DPF3: variants seen among roughly 807,000 people sequenced by gnomAD.
DPF3 encodes double PHD fingers 3.
A neutral mutation model predicts 56.8 loss-of-function variants in DPF3; 18 were observed. That is an observed-to-expected ratio of 0.32 (90% CI 0.22 to 0.47). DPF3 has a LOEUF of 0.47. Ranked by LOEUF, DPF3 falls within the 20% of genes least tolerant of loss-of-function variation. The pLI is 1.00. For synonymous variants in DPF3, 188 were observed against 180.2 expected (o/e 1.04, Z -0.35); for missense variants, 403 against 488.8 (o/e 0.82, Z 1.65).
chr14:72,742,491 AC>A (rs1404526707), intron 3 of DPF3: 1 of 150,928 alleles, frequency 6.6e-6, no homozygotes, highest in Non-Finnish European at 1.5e-5. Flanking sequence ...GTTCTTGCCC[AC>A]CCCCGCCTGG....
intron 6 of DPF3, 121 bp downstream of exon 6, chr14:72,714,302 A>G (rs1888797239): frequency 2.4e-6 from 3 of 1,252,914 alleles, no homozygotes; most frequent in Non-Finnish European, 3.4e-6. Flanking sequence ...TGGGGTGCAG[A>G]CAGAGGAAGA....
intron 1 of DPF3, among the ~76,000 whole-genome samples, chr14:72,805,183 A>G (rs1882708793): frequency 6.6e-6 from 1 of 152,200 alleles, no homozygotes; most frequent in Admixed American, 6.5e-5. Context: ...CTAAAACTGC[A>G]CAGAAGGCTG....
At chr14:72,725,906 CT>C (rs1023747737) in intron 4 of DPF3, among the ~76,000 whole-genome samples, 1 of 152,174 alleles carries the variant, frequency 6.6e-6, no homozygotes. Flanking sequence ...TCTTCTTTGC[CT>C]TTTCTACTAG....
chr14:72,838,905 A>ATATATATATATATATATATATATATATTT lies in DPF3; in HGVS notation c.32+55151_32+55152insAAATATATATATATATATATATATATATA. Among the ~76,000 whole-genome samples, 16 of 64,496 alleles carry ATATATATATATATATATATATATATATTT rather than the reference A, an allele frequency of 2.5e-4. 2 individuals are homozygous for ATATATATATATATATATATATATATATTT. Among genetic ancestry groups the ATATATATATATATATATATATATATATTT allele is most frequent in the African/African-American group, 6.0e-4 (9 of 15,064 alleles). The allele number at this position is 64,496 out of a possible 152,430, so 42.3% of individuals were successfully genotyped here. A position where few individuals can be genotyped will look rare whatever the true frequency, so the allele number is the denominator to read the frequency against. On this transcript the variant is annotated intron_variant, in intron 1 of 10. Coordinates refer to ENST00000556509, the MANE Select transcript of DPF3 (RefSeq NM_001280542.3). ...ATCTATCATATATATTATCATATATATTCTTTTTTTTTTTTTTTTTTTTTT... is the reference window on the plus strand; with the variant it reads ...ATCTATCATATATATTATCATATATATATATATATATATATATATATATATATTTTTCTTTTTTTTTTTTTTTTTTTTTT...
In DPF3 at chr14:72,662,316, C is replaced by A. The variant is rs967477404; in HGVS notation, c.871+11924G>T. On this transcript the variant is annotated intron_variant, in intron 8 of 10. Transcript: ENST00000556509. The stretch of plus-strand genomic sequence containing the variant: ...TTTTTCTTTAGAGTTAATATGCAGT[C>A]TTTTATTTTACATTAAGTACTCTTA... 3.4e-5 allele frequency: 33 copies of A among 984,872 alleles called. No individual in the cohort carries two copies. In the Admixed American group the frequency reaches 1.8e-3, roughly 53 times the overall value. The allele number at this position is 984,872 out of a possible 1,614,324, so 61.0% of individuals were successfully genotyped here. A position where few individuals can be genotyped will look rare whatever the true frequency, so the allele number is the denominator to read the frequency against.
chr14:72,619,616 G>C (rs1264243176), intron 10 of DPF3, among the ~76,000 whole-genome samples: 1 of 152,140 alleles, frequency 6.6e-6, no homozygotes, highest in Admixed American at 6.5e-5. Context: ...CCGGGCCTGC[G>C]CCAGTTCTCC....
rs1884053654 is a variant in DPF3, at chr14:72,615,742, CG to C, written c.*3554del. ...GACCTGCTGGCTCCTGCTTCAGGGG[CG>C]ATGAGTCAGTGAGGGGTTCCAAAGG... is the stretch of plus-strand genomic sequence containing the variant. On this transcript the variant is annotated 3_prime_UTR_variant, in exon 11 of 11. Transcript: ENST00000556509. Among the ~76,000 whole-genome samples, 1 of 152,212 alleles carries C rather than the reference CG, an allele frequency of 6.6e-6. No homozygotes were observed. Among genetic ancestry groups the C allele is most frequent in the Non-Finnish European group, 1.5e-5 (1 of 68,038 alleles).
At chr14:72,813,498 G>C (rs1883151967) in intron 1 of DPF3, among the ~76,000 whole-genome samples, 1 of 152,170 alleles carries the variant, frequency 6.6e-6, no homozygotes, top group African/African-American at 2.4e-5. Flanking sequence ...AGCAACGAGA[G>C]AGTTTTTGCT....
intron 3 of DPF3, among the ~76,000 whole-genome samples, chr14:72,739,326 T>C (rs17120196): frequency 0.022 from 3,354 of 152,150 alleles, 152 homozygotes; most frequent in East Asian, 0.16. Flanking sequence ...CTCAGCTCCA[T>C]TACCCTAAAG....
chr14:72,694,727 A>G (rs1887836836), intron 6 of DPF3, among the ~76,000 whole-genome samples: 1 of 152,234 alleles, frequency 6.6e-6, no homozygotes, highest in Non-Finnish European at 1.5e-5. Context: ...AGCATTTCCA[A>G]TGTTAATGAA....
chr14:72,879,494 T>C (rs1886243417), intron 1 of DPF3, among the ~76,000 whole-genome samples: 1 of 152,172 alleles, frequency 6.6e-6, no homozygotes. Context: ...GAAGAGTATG[T>C]TCAGCTCTGC....
chr14:72,626,636 ACC>A (rs1884846574), intron 9 of DPF3, among the ~76,000 whole-genome samples: 2 of 152,138 alleles, frequency 1.3e-5, no homozygotes, highest in African/African-American at 4.8e-5. Context: ...GAACAATGCT[ACC>A]ACAAATAACC....
chr14:72,764,794 T>C (rs1004643652), intron 2 of DPF3, among the ~76,000 whole-genome samples: 5 of 152,082 alleles, frequency 3.3e-5, no homozygotes, highest in African/African-American at 1.2e-4. Context: ...CCCGGCCTGT[T>C]TTCCTGAGTT....
chr14:72,774,691 C>A (rs1891682761), intron 1 of DPF3, among the ~76,000 whole-genome samples: 1 of 152,094 alleles, frequency 6.6e-6, no homozygotes, highest in African/African-American at 2.4e-5. Flanking sequence ...TCTTCACATT[C>A]ATAAGGGAGG....
intron 6 of DPF3, among the ~76,000 whole-genome samples, chr14:72,699,318 A>T (rs1888054244): frequency 6.6e-6 from 1 of 151,966 alleles, no homozygotes; most frequent in Non-Finnish European, 1.5e-5. Flanking sequence ...CCAGAAGTTC[A>T]ACACCCATCT....
chr14:72,893,698 C>T (rs1337407068), intron 1 of DPF3, among the ~76,000 whole-genome samples: 1 of 151,728 alleles, frequency 6.6e-6, no homozygotes, highest in Non-Finnish European at 1.5e-5. Context: ...AGCCGCGCTC[C>T]CTGCCCGCGA....
intron 1 of DPF3, among the ~76,000 whole-genome samples, chr14:72,798,196 G>C (rs1349619687): frequency 7.4e-6 from 1 of 135,500 alleles, no homozygotes; most frequent in Non-Finnish European, 1.5e-5. Flanking sequence ...GGAGGTTGCA[G>C]TGAGCCAGGA....
intron 8 of DPF3, chr14:72,670,647 C>A: frequency 1.0e-6 from 1 of 990,280 alleles, no homozygotes; most frequent in Non-Finnish European, 1.2e-6. Flanking sequence ...CTCTCTCTCT[C>A]TCTCTCTCTC....
intron 2 of DPF3, among the ~76,000 whole-genome samples, chr14:72,755,326 G>C (rs1890748349): frequency 6.6e-6 from 1 of 152,118 alleles, no homozygotes; most frequent in Admixed American, 6.6e-5. Flanking sequence ...AGAAGCCCCA[G>C]GCCACTCTGC....
Sources: gnomAD v4.1 joint callset for allele counts (sites outside exome capture counted in the v4.1 genomes callset) on GRCh38, gnomAD v4.1.1 for gene constraint, MANE v1.5 for transcripts, NCBI Gene and HGNC (gene_info 2026-07-23, HGNC 2026-07-21) for gene names.